Variants in ZFAND3 observed in about 807,000 individuals in gnomAD.
ZFAND3 encodes zinc finger AN1-type containing 3, also known as AN1-type zinc finger protein 3.
In ZFAND3, 10 loss-of-function variants were observed where a neutral mutation model predicts 29.6. The observed-to-expected ratio is 0.34, with a 90% CI of 0.21 to 0.57. The LOEUF is 0.57. Among genes scored for constraint, ZFAND3 ranks in the 20% least tolerant of loss-of-function variants. The pLI is 0.86. For synonymous variants in ZFAND3, 128 were observed against 112.6 expected, an observed-to-expected ratio of 1.14 and a Z score of -0.87; for missense variants, 230 against 304.5, an observed-to-expected ratio of 0.76 and a Z score of 1.82.
intron 4 of ZFAND3, among the ~76,000 whole-genome samples, chr6:38,093,337 G>T (rs916149102): frequency 3.9e-5 from 6 of 152,114 alleles, no homozygotes; most frequent in African/African-American, 1.2e-4. Flanking sequence ...GAGAACTGAG[G>T]GAAGAAAGAT....
intron 2 of ZFAND3, among the ~76,000 whole-genome samples, chr6:38,060,183 A>T (rs372307466): frequency 6.6e-6 from 1 of 152,252 alleles, no homozygotes; most frequent in African/African-American, 2.4e-5. Flanking sequence ...GTGGAACCTG[A>T]GTATATGCGG....
intron 4 of ZFAND3, among the ~76,000 whole-genome samples, chr6:38,095,010 T>C (rs1764948640): frequency 6.6e-6 from 1 of 152,228 alleles, no homozygotes; most frequent in Non-Finnish European, 1.5e-5. Flanking sequence ...ATACTCAACC[T>C]GTATTTACAG....
At chr6:37,989,108 A>G (rs1486874293) in intron 2 of ZFAND3, among the ~76,000 whole-genome samples, 1 of 152,088 alleles carries the variant, frequency 6.6e-6, no homozygotes, top group Non-Finnish European at 1.5e-5. Context: ...GGGTTTTGCC[A>G]TATTGGCCAG....
chr6:37,908,835 A>G (rs1765466036), intron 1 of ZFAND3, among the ~76,000 whole-genome samples: 1 of 151,922 alleles, frequency 6.6e-6, no homozygotes. Context: ...GTATTAAGTA[A>G]TTTGTAGGAT....
At chr6:37,850,575 G>A (rs1446844098) in intron 1 of ZFAND3, among the ~76,000 whole-genome samples, 1 of 152,078 alleles carries the variant, frequency 6.6e-6, no homozygotes, top group African/African-American at 2.4e-5. Context: ...TGTCACAGTG[G>A]CCAACAGAAT....
At position 37,976,584 on chromosome 6, in the gene ZFAND3, C is replaced by CAA. The variant is rs35783371; in HGVS notation, c.112+46606_112+46607dup. Among the ~76,000 whole-genome samples, 1,975 of 76,536 alleles carry CAA rather than the reference C, an allele frequency of 0.026. 68 individuals carry two copies. The East Asian group carries it at 0.27, about 10-fold the overall frequency. The allele number at this position is 76,536 out of a possible 152,430, so 50.2% of individuals were successfully genotyped here. A position where few individuals can be genotyped will look rare whatever the true frequency, so the allele number is the denominator to read the frequency against. ...GTGTAACAGAGTGAGACACTGTCTCCAAAAAAAAAAAAAAAAAAAAAAGAT... is the reference window on the plus strand; with the variant it reads ...GTGTAACAGAGTGAGACACTGTCTCCAAAAAAAAAAAAAAAAAAAAAAAAGAT... On this transcript the variant is annotated intron_variant, in intron 2 of 5. Coordinates refer to ENST00000287218, the MANE Select transcript of ZFAND3 (RefSeq NM_021943.3).
intron 2 of ZFAND3, among the ~76,000 whole-genome samples, chr6:37,943,923 A>G (rs969791396): frequency 3.3e-5 from 5 of 152,188 alleles, no homozygotes; most frequent in Non-Finnish European, 7.4e-5. Flanking sequence ...GTTACATGCT[A>G]TATTAGTAAT....
At chr6:38,057,221 A>T (rs1764148369) in intron 2 of ZFAND3, among the ~76,000 whole-genome samples, 1 of 152,124 alleles carries the variant, frequency 6.6e-6, no homozygotes, top group Non-Finnish European at 1.5e-5. Flanking sequence ...CCAGTGTAGA[A>T]TGATGGGAGG....
intron 3 of ZFAND3, among the ~76,000 whole-genome samples, chr6:38,069,713 G>C (rs552693712): frequency 6.6e-6 from 1 of 152,198 alleles, no homozygotes; most frequent in East Asian, 1.9e-4. Flanking sequence ...GTTAATCTCT[G>C]TCAAAATACA....
At chr6:37,950,432 C>T (rs1326783278) in intron 2 of ZFAND3, among the ~76,000 whole-genome samples, 1 of 151,088 alleles carries the variant, frequency 6.6e-6, no homozygotes, top group Non-Finnish European at 1.5e-5. Context: ...GCCTGGAGTG[C>T]AGCAGCGCAA....
intron 1 of ZFAND3, among the ~76,000 whole-genome samples, chr6:37,893,729 T>G (rs1485151294): frequency 6.6e-6 from 1 of 152,102 alleles, no homozygotes; most frequent in Non-Finnish European, 1.5e-5. Flanking sequence ...GATTTTTGTA[T>G]TTTTAGTAGA....
intron 1 of ZFAND3, among the ~76,000 whole-genome samples, chr6:37,896,598 TTC>T (rs748773528): frequency 6.3e-5 from 9 of 143,754 alleles, no homozygotes; most frequent in Non-Finnish European, 1.1e-4. Flanking sequence ...CTCTTTTTCT[TTC>T]TCTCTCTCTT....
At chr6:38,114,970 C>T (rs893183934) in intron 4 of ZFAND3, among the ~76,000 whole-genome samples, 3 of 152,154 alleles carry the variant, frequency 2.0e-5, no homozygotes, top group East Asian at 3.8e-4. Flanking sequence ...AAAAGGGAAA[C>T]AGACGAGGGG....
intron 1 of ZFAND3, among the ~76,000 whole-genome samples, chr6:37,896,340 T>C (rs1765202097): frequency 6.6e-6 from 1 of 152,120 alleles, no homozygotes; most frequent in Non-Finnish European, 1.5e-5. Context: ...ATTTTGTTAA[T>C]GTGGCCTATT....
At chr6:37,891,650 A>G (rs1765105660) in intron 1 of ZFAND3, among the ~76,000 whole-genome samples, 1 of 152,172 alleles carries the variant, frequency 6.6e-6, no homozygotes, top group African/African-American at 2.4e-5. Context: ...AAGGAAATAG[A>G]AGACTTGCAT....
chr6:37,899,568 T>C (rs759273795), intron 1 of ZFAND3, among the ~76,000 whole-genome samples: 6 of 152,226 alleles, frequency 3.9e-5, no homozygotes, highest in Non-Finnish European at 8.8e-5. Context: ...TGTATATTTG[T>C]ATTTAAATTG....
intron 2 of ZFAND3, among the ~76,000 whole-genome samples, chr6:37,984,836 C>T (rs1274364267): frequency 6.6e-6 from 1 of 152,162 alleles, no homozygotes; most frequent in Non-Finnish European, 1.5e-5. Context: ...TTGCATCTCC[C>T]TTTTGAGACT....
In ZFAND3 at chr6:38,082,657, G is replaced by C. The variant is rs185279899; in HGVS notation, c.361+200G>C. On this transcript the variant is annotated intron_variant, in intron 4 of 5. Transcript: ENST00000287218. ...GGGGAGTCAGATTGACTGAGTAAAT[G>C]CAGCTAGATCCAAGAAGGTGGACAT... is the stretch of plus-strand genomic sequence containing the variant. 2.5e-3 allele frequency among the ~76,000 whole-genome samples: 387 copies of C among 152,164 alleles called. 3 individuals carry two copies. The highest frequency in any genetic ancestry group is 8.9e-3 in the African/African-American group (368 of 41,508).
At chr6:37,994,787 C>A (rs1456222311) in intron 2 of ZFAND3, among the ~76,000 whole-genome samples, 1 of 152,098 alleles carries the variant, frequency 6.6e-6, no homozygotes, top group Non-Finnish European at 1.5e-5. Flanking sequence ...GGATATAAGG[C>A]CAGATTTTTG....
Sources: gnomAD v4.1 joint callset for allele counts (sites outside exome capture counted in the v4.1 genomes callset) on GRCh38, gnomAD v4.1.1 for gene constraint, MANE v1.5 for transcripts, NCBI Gene and HGNC (gene_info 2026-07-23, HGNC 2026-07-21) for gene names.